The following ETV6 variants were observed in gnomAD, a reference collection of about 807,000 sequenced individuals.
ETV6 encodes ETS variant transcription factor 6, also known as transcription factor ETV6.
A neutral mutation model predicts 51.1 loss-of-function variants in ETV6; 16 were observed. That is an observed-to-expected ratio of 0.31 (90% CI 0.21 to 0.48). The LOEUF is 0.48. Ranked by LOEUF, ETV6 falls within the 20% of genes least tolerant of loss-of-function variation. ETV6 has a pLI of 0.99. For missense variants in ETV6, 458 were observed against 594.8 expected, an observed-to-expected ratio of 0.77 and a Z score of 2.39; for synonymous variants, 240 against 224.1, an observed-to-expected ratio of 1.07 and a Z score of -0.64.
chr12:11,689,021 C>T (rs772374833), intron 1 of ETV6, among the ~76,000 whole-genome samples: 6 of 151,760 alleles, frequency 4.0e-5, no homozygotes, highest in Non-Finnish European at 7.3e-5. Flanking sequence ...CTACTTACTG[C>T]ATCTATAACT....
intron 2 of ETV6, among the ~76,000 whole-genome samples, chr12:11,816,322 G>A (rs778761971): frequency 2.0e-5 from 3 of 152,238 alleles, no homozygotes; most frequent in Non-Finnish European, 4.4e-5. Context: ...TCGGCTCACT[G>A]CAACCTCTGT....
At chr12:11,780,542 C>G (rs549333822) in intron 2 of ETV6, among the ~76,000 whole-genome samples, 1 of 152,124 alleles carries the variant, frequency 6.6e-6, no homozygotes, top group Non-Finnish European at 1.5e-5. Flanking sequence ...CTTGGCAGCC[C>G]GGAGCTTAGC....
At chr12:11,841,909 C>T (rs1414273008) in intron 3 of ETV6, among the ~76,000 whole-genome samples, 6 of 151,816 alleles carry the variant, frequency 4.0e-5, no homozygotes, top group Admixed American at 1.3e-4. Flanking sequence ...GGTGAAACCC[C>T]GTCTCTCCTA....
chr12:11,686,569 C>G lies in ETV6; in HGVS notation c.33+36409C>G, dbSNP rs539331468. On this transcript the variant is annotated intron_variant, in intron 1 of 7. Transcript: ENST00000396373. ...TTGAGATGCAGTCTCGCTCTGTTGC[C>G]TAGGCTGGAGTGCAGTGGCGTGATC... 6.6e-5 allele frequency among the ~76,000 whole-genome samples: 10 copies of G among 152,352 alleles called. No individual in the cohort carries two copies. In the East Asian group the frequency reaches 1.9e-3, roughly 29 times the overall value.
intron 3 of ETV6, among the ~76,000 whole-genome samples, chr12:11,843,176 AGTATTGCGAAT>A (rs1484273827): frequency 1.3e-5 from 2 of 152,246 alleles, no homozygotes; most frequent in Non-Finnish European, 2.9e-5. Context: ...AGAACACAGG[AGTATTGCGAAT>A]GGGTTTATAA....
intron 2 of ETV6, among the ~76,000 whole-genome samples, chr12:11,816,065 A>T (rs562047183): frequency 6.6e-6 from 1 of 152,182 alleles, no homozygotes; most frequent in Non-Finnish European, 1.5e-5. Context: ...CAAGTCTCTC[A>T]TCCCAGGCAG....
At chr12:11,808,052 T>A (rs1014691334) in intron 2 of ETV6, among the ~76,000 whole-genome samples, 2 of 152,208 alleles carry the variant, frequency 1.3e-5, no homozygotes, top group Non-Finnish European at 2.9e-5. Context: ...AAACATAAAA[T>A]TCACTTGAAA....
chr12:11,808,075 A>G (rs1016877557), intron 2 of ETV6, among the ~76,000 whole-genome samples: 1 of 152,218 alleles, frequency 6.6e-6, no homozygotes, highest in African/African-American at 2.4e-5. Flanking sequence ...GAATACCTAC[A>G]AGGCATTCCT....
At chr12:11,860,052 T>A (rs1018692861) in intron 4 of ETV6, among the ~76,000 whole-genome samples, 2 of 152,360 alleles carry the variant, frequency 1.3e-5, no homozygotes, top group African/African-American at 2.4e-5. Context: ...CTGTGGGTTC[T>A]GAGCCAGGCA....
chr12:11,803,346 G>A (rs1427195729), intron 2 of ETV6, among the ~76,000 whole-genome samples: 3 of 152,134 alleles, frequency 2.0e-5, no homozygotes, highest in Non-Finnish European at 4.4e-5. Flanking sequence ...TAGACTCCTA[G>A]AAAATAGAGA....
chr12:11,664,130 A>G (rs2120659362), intron 1 of ETV6, among the ~76,000 whole-genome samples: 1 of 152,304 alleles, frequency 6.6e-6, no homozygotes, highest in South Asian at 2.1e-4. Context: ...TTCTTTTCAC[A>G]TTCAGGTGAC....
rs570418873 is a variant in ETV6, at chr12:11,733,948, T to C, written c.34-18502T>C. Among the ~76,000 whole-genome samples, 5 of 152,326 alleles carry C rather than the reference T, an allele frequency of 3.3e-5. No individual in the cohort carries two copies. The East Asian group carries it at 9.6e-4, about 29-fold the overall frequency. ...ATGTTAATCAAAAGAAGCAAATACA[T>C]GTTTTTCCCTTGAGAAAACATGGAT... On this transcript the variant is annotated intron_variant, in intron 1 of 7. Transcript: ENST00000396373.
intron 2 of ETV6, among the ~76,000 whole-genome samples, chr12:11,811,834 G>C (rs61921849): frequency 0.074 from 11,333 of 152,192 alleles, 464 homozygotes; most frequent in Middle Eastern, 0.11. Flanking sequence ...GGCCAGTCAG[G>C]AACAGAGCTG....
intron 4 of ETV6, among the ~76,000 whole-genome samples, chr12:11,863,930 C>G (rs1946754534): frequency 6.6e-6 from 1 of 152,190 alleles, no homozygotes; most frequent in South Asian, 2.1e-4. Context: ...CACCAGGAGC[C>G]TGGAATTAAA....
rs1297869374 is a variant in ETV6, at chr12:11,735,059, CCAAAGGTG to C, written c.34-17382_34-17375del. On this transcript the variant is annotated intron_variant, in intron 1 of 7. Transcript: ENST00000396373. ...GTCTTCGTAATTTATGGCATGTGTC[CCAAAGGTG>C]CAAAGGTGGCAAGGTGGCCTTTTTT... Among the ~76,000 whole-genome samples, 8 of 147,916 alleles carry C rather than the reference CCAAAGGTG, an allele frequency of 5.4e-5. No individual in the cohort carries two copies. In the South Asian group the frequency reaches 1.3e-3, roughly 24 times the overall value.
intron 5 of ETV6, among the ~76,000 whole-genome samples, chr12:11,872,462 T>G (rs1214883581): frequency 6.6e-6 from 1 of 152,110 alleles, no homozygotes; most frequent in Non-Finnish European, 1.5e-5. Flanking sequence ...GGTTTGTAAA[T>G]TTCAAAATAT....
intron 3 of ETV6, among the ~76,000 whole-genome samples, chr12:11,847,792 G>T (rs1414187008): frequency 6.6e-6 from 1 of 152,176 alleles, no homozygotes; most frequent in Non-Finnish European, 1.5e-5. Flanking sequence ...ATAAAGGGAG[G>T]AGAGAAACAG....
chr12:11,731,617 T>G (rs1005673981), intron 1 of ETV6, among the ~76,000 whole-genome samples: 6 of 152,030 alleles, frequency 3.9e-5, no homozygotes, highest in African/African-American at 1.2e-4. Context: ...GAACAGGAAG[T>G]GTTTACAGGT....
intron 1 of ETV6, among the ~76,000 whole-genome samples, chr12:11,651,432 A>G (rs1050716711): frequency 6.6e-6 from 1 of 152,184 alleles, no homozygotes; most frequent in African/African-American, 2.4e-5. Context: ...TTCTTATCAG[A>G]AAAGATATTC....
Sources: gnomAD v4.1 joint callset for allele counts (sites outside exome capture counted in the v4.1 genomes callset) on GRCh38, gnomAD v4.1.1 for gene constraint, MANE v1.5 for transcripts, NCBI Gene and HGNC (gene_info 2026-07-23, HGNC 2026-07-21) for gene names.